Variants in PTPN13 observed in about 807,000 individuals in gnomAD.
The protein encoded by PTPN13 is protein tyrosine phosphatase non-receptor type 13, also known as tyrosine-protein phosphatase non-receptor type 13.
A neutral mutation model predicts 284.0 loss-of-function variants in PTPN13; 191 were observed. That is an observed-to-expected ratio of 0.67 (90% CI 0.60 to 0.76). PTPN13 has a LOEUF of 0.76. Among genes scored for constraint, PTPN13 ranks in the 30% least tolerant of loss-of-function variants. PTPN13 has a pLI of 0.00. For missense variants in PTPN13, 2,797 were observed against 2,939.9 expected (o/e 0.95, Z 1.12); for synonymous variants, 986 against 1,022.3 (o/e 0.96, Z 0.68).
chr4:86,650,553 T>C (rs1724971106), intron 2 of PTPN13, among the ~76,000 whole-genome samples: 1 of 152,184 alleles, frequency 6.6e-6, no homozygotes, highest in Non-Finnish European at 1.5e-5. Context: ...TCCACCTGCC[T>C]CAGTCTCCTA....
At chr4:86,718,981 T>C (rs2149078556) in intron 9 of PTPN13, among the ~76,000 whole-genome samples, 1 of 152,322 alleles carries the variant, frequency 6.6e-6, no homozygotes, top group East Asian at 1.9e-4. Flanking sequence ...GTTTTCTTTT[T>C]ATTTTTTAAC....
intron 1 of PTPN13, among the ~76,000 whole-genome samples, chr4:86,629,049 T>A (rs1722169103): frequency 6.6e-6 from 1 of 151,922 alleles, no homozygotes. Context: ...AAGGACTTCA[T>A]GTCCAAAACA....
At chr4:86,696,395 A>G (rs1291128414) in intron 6 of PTPN13, among the ~76,000 whole-genome samples, 4 of 151,962 alleles carry the variant, frequency 2.6e-5, no homozygotes, top group African/African-American at 9.7e-5. Context: ...ATGTGAGACT[A>G]TGGTTTATTT....
intron 15 of PTPN13, among the ~76,000 whole-genome samples, chr4:86,740,070 T>G (rs2149163422): frequency 6.6e-6 from 1 of 152,162 alleles, no homozygotes; most frequent in East Asian, 1.9e-4. Flanking sequence ...CATGGGCTGG[T>G]GTTGAGTATC....
chr4:86,634,303 T>C (rs550428252), intron 1 of PTPN13, among the ~76,000 whole-genome samples: 6 of 152,310 alleles, frequency 3.9e-5, no homozygotes, highest in Non-Finnish European at 5.9e-5. Flanking sequence ...AGAAATCTTA[T>C]GAATCACTCT....
chr4:86,619,631 A>G (rs1720990214), intron 1 of PTPN13, among the ~76,000 whole-genome samples: 1 of 152,176 alleles, frequency 6.6e-6, no homozygotes, highest in Admixed American at 6.5e-5. Context: ...TTTCTCTAAC[A>G]TCTCTGATTA....
chr4:86,722,772 T>G (rs905569370), intron 10 of PTPN13, among the ~76,000 whole-genome samples: 5 of 152,214 alleles, frequency 3.3e-5, no homozygotes, highest in Non-Finnish European at 7.3e-5. Context: ...TTATTCCATA[T>G]ATTGAGAAGA....
intron 45 of PTPN13, 95 bp from the exon 46 acceptor site, chr4:86,809,674 G>A (rs2149389999): frequency 8.4e-7 from 1 of 1,185,630 alleles, no homozygotes; most frequent in South Asian, 1.4e-5. Flanking sequence ...CTGGACAACA[G>A]AACGAGACCC....
At chr4:86,770,983 TAAGGTATA>T (rs1414887787) in intron 30 of PTPN13, among the ~76,000 whole-genome samples, 180 bp from the exon 31 acceptor site, 3 of 152,208 alleles carry the variant, frequency 2.0e-5, no homozygotes, top group Non-Finnish European at 4.4e-5. Context: ...AGTTCTAACT[TAAGGTATA>T]AATTGTACAA....
Position 86,772,938 on chromosome 4 carries a change from C to T in PTPN13, c.5329C>T (p.His1777Tyr). The change falls in exon 32 of 48, where the codon CAC (histidine) becomes TAC (tyrosine). Residue 1777 changes from histidine to tyrosine, a missense_variant. His to Tyr is a moderately conservative substitution (Grantham distance 83). Transcript: ENST00000411767. ...WTPLKNDLEN[H>Y]LEDFELEVEL... ...ACCTTTGAAAAATGACTTGGAAAAT[C>T]ACCTTGAAGACTTTGAACTGGTAAG... The T allele has an allele frequency of 6.2e-7, 1 of 1,602,550 alleles. No homozygotes were observed. The highest frequency in any genetic ancestry group is 8.5e-7 in the Non-Finnish European group (1 of 1,174,668).
intron 19 of PTPN13, among the ~76,000 whole-genome samples, chr4:86,751,833 A>G (rs766738889): frequency 1.3e-5 from 2 of 151,908 alleles, no homozygotes; most frequent in African/African-American, 2.4e-5. Context: ...GAAATGTGCT[A>G]TGGTTGATAG....
intron 42 of PTPN13, among the ~76,000 whole-genome samples, chr4:86,803,105 T>C (rs1744223327): frequency 6.7e-6 from 1 of 149,418 alleles, no homozygotes; most frequent in Non-Finnish European, 1.5e-5. Flanking sequence ...TGTGTGTGTA[T>C]AAAATAAAAT....
At chr4:86,654,727 G>A (rs1365146474) in intron 2 of PTPN13, among the ~76,000 whole-genome samples, 1 of 152,102 alleles carries the variant, frequency 6.6e-6, no homozygotes, top group Non-Finnish European at 1.5e-5. Context: ...GTTGATTTTG[G>A]GTGGAGAGTT....
intron 28 of PTPN13, 49 bp from the exon 29 acceptor site, chr4:86,769,720 A>G (rs942638907): frequency 2.4e-6 from 3 of 1,227,904 alleles, no homozygotes; most frequent in Non-Finnish European, 3.4e-6. Flanking sequence ...TCCTATGTAA[A>G]CACAGCATGT....
intron 20 of PTPN13, among the ~76,000 whole-genome samples, chr4:86,756,051 T>C (rs1185873214): frequency 6.6e-6 from 1 of 151,750 alleles, no homozygotes; most frequent in East Asian, 1.9e-4. Context: ...GTACCTACCA[T>C]AGAATAATGG....
At chr4:86,658,763 A>C (rs1398241540) in intron 2 of PTPN13, among the ~76,000 whole-genome samples, 1 of 152,182 alleles carries the variant, frequency 6.6e-6, no homozygotes, top group African/African-American at 2.4e-5. Flanking sequence ...GAGAGCTGAT[A>C]AAATATATAG....
At chr4:86,803,381 A>AGG (rs1428482604) in intron 42 of PTPN13, among the ~76,000 whole-genome samples, 2 of 151,996 alleles carry the variant, frequency 1.3e-5, no homozygotes, top group Non-Finnish European at 2.9e-5. Flanking sequence ...ACTTGAGGCC[A>AGG]GGAGTTCAAG....
chr4:86,715,964 A>C (rs1441405119), intron 7 of PTPN13, among the ~76,000 whole-genome samples: 1 of 152,202 alleles, frequency 6.6e-6, no homozygotes, highest in Non-Finnish European at 1.5e-5. Flanking sequence ...ACAAACCTAC[A>C]CAGTACCCCC....
intron 3 of PTPN13, among the ~76,000 whole-genome samples, chr4:86,686,211 A>C (rs1266691713): frequency 6.6e-6 from 1 of 152,136 alleles, no homozygotes; most frequent in Non-Finnish European, 1.5e-5. Context: ...AAAATAGAAA[A>C]ATTAGTCAGG....
Sources: gnomAD v4.1 joint callset for allele counts (sites outside exome capture counted in the v4.1 genomes callset) on GRCh38, gnomAD v4.1.1 for gene constraint, MANE v1.5 for transcripts, NCBI Gene and HGNC (gene_info 2026-07-23, HGNC 2026-07-21) for gene names.